Variants in C8orf34 observed in about 807,000 individuals in gnomAD.
C8orf34 encodes chromosome 8 open reading frame 34, also known as uncharacterized protein C8orf34.
A neutral mutation model predicts 68.3 loss-of-function variants in C8orf34; 65 were observed. The ratio of observed to expected loss-of-function variants is 0.95; its 90% confidence interval spans 0.78 to 1.17. The LOEUF is 1.17. Ranked by LOEUF, C8orf34 falls within the 50% of genes most tolerant of loss-of-function variation. The pLI is 0.00. For missense variants in C8orf34, 664 were observed against 655.4 expected, an observed-to-expected ratio of 1.01 and a Z score of -0.14; for synonymous variants, 244 against 241.2, an observed-to-expected ratio of 1.01 and a Z score of -0.11.
intron 7 of C8orf34, among the ~76,000 whole-genome samples, chr8:68,613,979 A>T (rs986740271): frequency 6.6e-6 from 1 of 152,156 alleles, no homozygotes; most frequent in South Asian, 2.1e-4. Flanking sequence ...AATGATTGGC[A>T]TTCTAACTGG....
intron 7 of C8orf34, among the ~76,000 whole-genome samples, chr8:68,543,187 A>T (rs891301808): frequency 1.3e-5 from 2 of 152,118 alleles, no homozygotes; most frequent in Non-Finnish European, 2.9e-5. Flanking sequence ...ATAAGCAAAA[A>T]AGTTTAGACA....
chr8:68,370,355 T>G (rs749577013), intron 1 of C8orf34, among the ~76,000 whole-genome samples: 4 of 152,148 alleles, frequency 2.6e-5, no homozygotes, highest in Admixed American at 6.5e-5. Flanking sequence ...CCTATGGAAA[T>G]TAAGCACTGC....
Position 68,705,794 on chromosome 8 carries a change from GA to G in C8orf34, c.1242-3191del, listed in dbSNP as rs941368520. 4.6e-4 allele frequency among the ~76,000 whole-genome samples: 68 copies of G among 149,136 alleles called. No homozygotes were observed. In the East Asian group the frequency reaches 5.7e-3, roughly 12 times the overall value. Reference sequence around the variant, plus strand: ...CATATGCTGTGGGAAATGATAGTGGGAAAAAAAAACAGAAAAAATACTGGTT... The same window carrying G: ...CATATGCTGTGGGAAATGATAGTGGGAAAAAAAACAGAAAAAATACTGGTT... On this transcript the variant is annotated intron_variant, in intron 8 of 13. Transcript: ENST00000518698.
intron 4 of C8orf34, among the ~76,000 whole-genome samples, chr8:68,479,584 G>A (rs770013962): frequency 8.9e-4 from 136 of 152,216 alleles, no homozygotes; most frequent in Middle Eastern, 3.4e-3. Flanking sequence ...GTTGGGGATG[G>A]AGCCAAAAAA....
At chr8:68,743,889 A>G (rs551437042) in intron 10 of C8orf34, among the ~76,000 whole-genome samples, 38 of 152,368 alleles carry the variant, frequency 2.5e-4, no homozygotes, top group African/African-American at 7.9e-4. Flanking sequence ...ACCACAGCTC[A>G]AGGAGGCCTG....
intron 3 of C8orf34, among the ~76,000 whole-genome samples, chr8:68,467,294 T>C (rs1278813772): frequency 1.3e-5 from 2 of 152,094 alleles, no homozygotes; most frequent in South Asian, 2.1e-4. Flanking sequence ...GATGTCCAAC[T>C]ATTCTAGAAT....
chr8:68,419,393 G>A (rs1263452219), intron 1 of C8orf34, among the ~76,000 whole-genome samples: 6 of 149,294 alleles, frequency 4.0e-5, no homozygotes, highest in African/African-American at 1.3e-4. Flanking sequence ...CTCTAAACTA[G>A]TTCAACCATT....
At chr8:68,710,569 A>C (rs934808327) in intron 9 of C8orf34, among the ~76,000 whole-genome samples, 15 of 152,128 alleles carry the variant, frequency 9.9e-5, no homozygotes, top group African/African-American at 3.4e-4. Context: ...CTCCCTGGGA[A>C]TATAACTCCA....
At chr8:68,429,988 T>A (rs1268416167) in intron 1 of C8orf34, among the ~76,000 whole-genome samples, 1 of 152,046 alleles carries the variant, frequency 6.6e-6, no homozygotes, top group Non-Finnish European at 1.5e-5. Context: ...ATGAGGTGAC[T>A]TGTCAGGCCT....
At chr8:68,584,867 G>A (rs1817163232) in intron 7 of C8orf34, among the ~76,000 whole-genome samples, 1 of 152,076 alleles carries the variant, frequency 6.6e-6, no homozygotes, top group African/African-American at 2.4e-5. Context: ...TAAAGAACAT[G>A]GACTTAGATA....
chr8:68,720,475 C>G (rs986952588), intron 9 of C8orf34, among the ~76,000 whole-genome samples: 7 of 151,780 alleles, frequency 4.6e-5, no homozygotes, highest in Non-Finnish European at 8.9e-5. Context: ...AAAAATCTGT[C>G]TCCATATGTA....
chr8:68,528,782 C>T (rs1815122396), intron 6 of C8orf34, among the ~76,000 whole-genome samples: 1 of 152,192 alleles, frequency 6.6e-6, no homozygotes, highest in Non-Finnish European at 1.5e-5. Flanking sequence ...AAACTTTTCC[C>T]CATCATCCTT....
At chr8:68,625,395 G>A (rs149363440) in intron 7 of C8orf34, 2 of 494,744 alleles carry the variant, frequency 4.0e-6, no homozygotes, top group Non-Finnish European at 7.2e-6. Context: ...GTGAGATGAG[G>A]TTGTGAGGTG....
At chr8:68,671,317 C>A (rs1434938) in intron 8 of C8orf34, among the ~76,000 whole-genome samples, 30,566 of 152,080 alleles carry the variant, frequency 0.2, 3,525 homozygotes, top group East Asian at 0.56. Flanking sequence ...ATATGAACAA[C>A]CATCTGATCA....
chr8:68,521,803 C>G lies in C8orf34; in HGVS notation c.770C>G (p.Thr257Arg), dbSNP rs1258765091. 2 of 1,610,316 alleles carry G rather than the reference C, an allele frequency of 1.2e-6. No homozygotes were observed. The highest frequency in any genetic ancestry group is 1.7e-6 in the Non-Finnish European group (2 of 1,178,120). ...IAISDELDKE[T>R]VTFNSSLLRP... ...ATATTCTTTTCTTCTCTTCAGGAAA[C>G]AGTGACATTTAATTCTTCTCTTCTG... The change falls in exon 6 of 14, where the codon ACA (threonine) becomes AGA (arginine). Residue 257 changes from threonine (T) to arginine (R), a missense_variant. By Grantham distance (71) the Thr-to-Arg change is moderately conservative. Transcript: ENST00000518698.
chr8:68,800,040 G>C (rs991607771), intron 12 of C8orf34, among the ~76,000 whole-genome samples: 5 of 152,180 alleles, frequency 3.3e-5, no homozygotes, highest in South Asian at 2.1e-4. Context: ...TTAGACACAG[G>C]GGGTGAGAAG....
chr8:68,589,255 C>T (rs1037346720), intron 7 of C8orf34, among the ~76,000 whole-genome samples: 12 of 152,110 alleles, frequency 7.9e-5, no homozygotes, highest in African/African-American at 2.9e-4. Flanking sequence ...GTTCATTCAG[C>T]TATTCCTTTC....
intron 1 of C8orf34, among the ~76,000 whole-genome samples, chr8:68,426,605 T>C (rs1048658788): frequency 3.3e-4 from 46 of 138,114 alleles, no homozygotes; most frequent in Non-Finnish European, 5.8e-4. Flanking sequence ...AAATTACATA[T>C]CCAACAAAGC....
At chr8:68,721,234 C>T (rs1012096047) in intron 9 of C8orf34, 127 bp from the exon 10 acceptor site, 27 of 617,682 alleles carry the variant, frequency 4.4e-5, no homozygotes, top group Non-Finnish European at 7.1e-5. Flanking sequence ...TATTTTAACT[C>T]ACAAACACTA....
Sources: gnomAD v4.1 joint callset for allele counts (sites outside exome capture counted in the v4.1 genomes callset) on GRCh38, gnomAD v4.1.1 for gene constraint, MANE v1.5 for transcripts, NCBI Gene and HGNC (gene_info 2026-07-23, HGNC 2026-07-21) for gene names.